Variants in OSBPL7 observed in about 807,000 individuals in gnomAD.
OSBPL7 encodes the protein oxysterol binding protein like 7.
OSBPL7 carries 66 observed loss-of-function variants against 115.8 expected under a neutral mutation model. The observed-to-expected ratio is 0.57, with a 90% CI of 0.47 to 0.70. The LOEUF is 0.70. Among genes scored for constraint, OSBPL7 ranks in the 30% least tolerant of loss-of-function variants. The probability of loss-of-function intolerance (pLI) is 0.00; values close to 1 mark genes in which losing one functional copy is unlikely to be tolerated. For synonymous variants in OSBPL7, 441 were observed against 439.2 expected (o/e 1.00, Z -0.05); for missense variants, 902 against 1,125.5 (o/e 0.80, Z 2.84).
intron 16 of OSBPL7, among the ~76,000 whole-genome samples, chr17:47,812,904 C>A (rs1454481490): frequency 6.6e-6 from 1 of 152,192 alleles, no homozygotes; most frequent in Non-Finnish European, 1.5e-5. Flanking sequence ...CAGCATCTGG[C>A]CCACCTTGTC....
chr17:47,819,634 G>T, intron 4 of OSBPL7, 95 bp downstream of exon 4: 1 of 1,463,152 alleles, frequency 6.8e-7, no homozygotes, highest in Non-Finnish European at 9.5e-7. Context: ...CTGGGATTCA[G>T]ACCCTGCTCT....
rs752524263 is a variant in OSBPL7, at chr17:47,820,234, A to G, written c.45T>C (p.Ala15=). The change falls in exon 2 of 23, where the codon GCT becomes GCC. Residue 15 remains alanine, a synonymous_variant. Transcript: ENST00000007414. Reference sequence around the variant, plus strand: ...GAGCACTGCTGGGCTTTGAGGACTGAGCGCTCTCAGGCAGGAAGGGCGGGT... The same window carrying G: ...GAGCACTGCTGGGCTTTGAGGACTGGGCGCTCTCAGGCAGGAAGGGCGGGT... ...ERDPPFLPES[A]QSSKPSSAQQ... The G allele has an allele frequency of 6.8e-6, 11 of 1,613,910 alleles. No individual in the cohort carries two copies. In the South Asian group the frequency reaches 8.8e-5, roughly 13 times the overall value.
chr17:47,816,389 C>T lies in OSBPL7; in HGVS notation c.1022G>A (p.Gly341Glu). The change falls in exon 11 of 23, where the codon GGG becomes GAG. Residue 341 changes from glycine to glutamate, a missense_variant and splice_region_variant. This residue lies in a region of OSBPL7 where 667 missense variants were observed against 788.7 expected (regional missense o/e 0.85). Coordinates refer to ENST00000007414, the MANE Select transcript of OSBPL7 (RefSeq NM_145798.3). The surrounding 1 kb of genome is among the most constrained non-coding windows in gnomAD (Gnocchi z 5.8). ...GTCACCCTGTCCCCCAGGCCTCACC[C>T]CCATTCTTGACAACTCTGAGCCCTG... ...MHQGSELSRM[G>E]VSEASTGQRR... The T allele has an allele frequency of 2.0e-6, 3 of 1,510,330 alleles. No individual in the cohort carries two copies. Among genetic ancestry groups the T allele is most frequent in the East Asian group, 2.4e-5 (1 of 40,886 alleles). The allele number at this position is 1,510,330 out of a possible 1,614,324, so 93.6% of individuals were successfully genotyped here.
At chr17:47,813,526 GA>G in intron 15 of OSBPL7, 60 bp downstream of exon 15, 1 of 1,586,520 alleles carries the variant, frequency 6.3e-7, no homozygotes. Context: ...TTTTCTGGGA[GA>G]AAAGATCCCA....
intron 15 of OSBPL7, 42 bp from the exon 16 acceptor site, chr17:47,813,445 C>T (rs576740034): frequency 2.4e-5 from 38 of 1,610,588 alleles, no homozygotes; most frequent in Middle Eastern, 1.7e-4. Flanking sequence ...AGGACGGGGC[C>T]GCCACCCCAA....
rs747347987 is a variant in OSBPL7 at position 47,813,834 on chromosome 17, C to T, written c.1352G>A (p.Gly451Glu). The T allele has an allele frequency of 8.1e-5, 130 of 1,605,028 alleles. No homozygotes were observed. The highest frequency in any genetic ancestry group is 1.2e-4 in the Admixed American group (7 of 59,466). The change falls in exon 15 of 23, where the codon GGG (glycine) becomes GAG (glutamate). Residue 451 changes from glycine to glutamate, a missense_variant and splice_region_variant. Gly to Glu is a moderately conservative substitution (Grantham distance 98). Coordinates refer to ENST00000007414, the MANE Select transcript of OSBPL7 (RefSeq NM_145798.3). ...DLRGAERCQK[G>E]GCVPGRPMGP... ...CATGGGTCTCCCTGGAACACACCCC[C>T]CTGGGGCCGCCCTGCCATGTCACTC...
rs759409881 is a variant in OSBPL7, at chr17:47,816,558, C to A, written c.928+5G>T. The A allele has an allele frequency of 6.2e-7, 1 of 1,609,018 alleles. No individual in the cohort carries two copies. Among genetic ancestry groups the A allele is most frequent in the Non-Finnish European group, 8.5e-7 (1 of 1,177,772 alleles). The stretch of plus-strand genomic sequence containing the variant: ...CCCCACCAGCCCCTCCCAGCAGGCA[C>A]TTACCCTTCTGGGCCAGGGCCCAGA... On this transcript the variant is annotated splice_donor_5th_base_variant and intron_variant, in intron 10 of 22. Transcript: ENST00000007414. The surrounding 1 kb of genome is among the most constrained non-coding windows in gnomAD (Gnocchi z 5.8).
Position 47,815,115 on chromosome 17 carries a change from T to C in OSBPL7, c.1257+100A>G, listed in dbSNP as rs568560675. On this transcript the variant is annotated intron_variant, in intron 13 of 22. Coordinates refer to ENST00000007414, the MANE Select transcript of OSBPL7 (RefSeq NM_145798.3). ...GTCCCAGAGATAGCAGCTGAGGTGG[T>C]GAGAAGGGGCTGAGGAATCTATGGT... is the stretch of plus-strand genomic sequence containing the variant. 360 of 1,450,882 alleles carry C rather than the reference T, an allele frequency of 2.5e-4. 1 individual carries two copies. Among genetic ancestry groups the C allele is most frequent in the Middle Eastern group, 4.8e-4 (2 of 4,178 alleles). 89.9% of individuals were successfully genotyped at this position (1,450,882 alleles called of 1,614,324 possible).
rs377186457 is a variant in OSBPL7, at chr17:47,808,971, A to G, written c.2190T>C (p.His730=). Residue 730 remains histidine, a synonymous_variant, in exon 21 of 23, where the codon CAT becomes CAC. Coordinates refer to ENST00000007414, the MANE Select transcript of OSBPL7 (RefSeq NM_145798.3). The surrounding 1 kb of genome is among the most constrained non-coding windows in gnomAD (Gnocchi z 6.1). ...ACTGGGTGAAGCCGAAGTTTCGCTC[A>G]TGGTCGGGGGGCATTGAGTCTGGGG... ...IWKPNSMPPD[H]ERNFGFTQFA... 12 of 1,613,874 alleles carry G rather than the reference A, an allele frequency of 7.4e-6. No individual in the cohort carries two copies. Among genetic ancestry groups the G allele is most frequent in the African/African-American group, 1.3e-5 (1 of 74,862 alleles).
chr17:47,811,472 A>C (rs1297926337), intron 16 of OSBPL7, among the ~76,000 whole-genome samples: 2 of 151,762 alleles, frequency 1.3e-5, no homozygotes, highest in Non-Finnish European at 2.9e-5. Flanking sequence ...CACCTCCCCC[A>C]CTTGCCAGAA....
intron 18 of OSBPL7, 59 bp downstream of exon 18, chr17:47,810,535 C>A: frequency 6.7e-7 from 1 of 1,503,512 alleles, no homozygotes; most frequent in Non-Finnish European, 9.2e-7. Context: ...GCCACGCCCC[C>A]TCCAGCCTGA....
chr17:47,814,723 G>A (rs534999681), intron 13 of OSBPL7, 109 bp from the exon 14 acceptor site: 3 of 938,952 alleles, frequency 3.2e-6, no homozygotes, highest in Non-Finnish European at 4.9e-6. Flanking sequence ...GTGGGAAGGG[G>A]AAGAGAATGT....
chr17:47,813,349 C>T lies in OSBPL7; in HGVS notation c.1654G>A (p.Gly552Ser), dbSNP rs139676584. The T allele has an allele frequency of 8.6e-5, 139 of 1,614,070 alleles. No individual in the cohort carries two copies. The highest frequency in any genetic ancestry group is 1.7e-4 in the Middle Eastern group (1 of 6,060). Residue 552 changes from glycine (G) to serine (S), a missense_variant, in exon 16 of 23, where the codon GGC becomes AGC. Gly to Ser is a moderately conservative substitution (Grantham distance 56). Transcript: ENST00000007414. ...AGGACAGGGTTGAAGGGCTTGCAGCCGGCTCGGTGGTATGTGGAGGAGTAG... is the reference window on the plus strand; with the variant it reads ...AGGACAGGGTTGAAGGGCTTGCAGCTGGCTCGGTGGTATGTGGAGGAGTAG... Reference protein sequence around the residue: ...SAYSSTYHRAGCKPFNPVLGE... With the variant: ...SAYSSTYHRASCKPFNPVLGE...
chr17:47,815,587 T>C lies in OSBPL7; in HGVS notation c.1120-235A>G, dbSNP rs1488879822. ...AGGCTCCATTATAACTGTTTACACT[T>C]CCTGGCACTGACCCTGAGCCCCACT... On this transcript the variant is annotated intron_variant, in intron 12 of 22. Transcript: ENST00000007414. 4 of 554,348 alleles carry C rather than the reference T, an allele frequency of 7.2e-6. No homozygotes were observed. The East Asian group carries it at 1.2e-4, about 17-fold the overall frequency. 34.3% of individuals were successfully genotyped at this position (554,348 alleles called of 1,614,324 possible). A position where few individuals can be genotyped will look rare whatever the true frequency, so the allele number is the denominator to read the frequency against.
rs542658083 is a variant in OSBPL7, at chr17:47,818,922, T to C, written c.369+64A>G. On this transcript the variant is annotated intron_variant, in intron 5 of 22. Coordinates refer to ENST00000007414, the MANE Select transcript of OSBPL7 (RefSeq NM_145798.3). ...TCCACAGACCCTCAGCCCCTGCCCCTGTGTGTTCCAATGCCTCTGTCAGGT... is the reference window on the plus strand; with the variant it reads ...TCCACAGACCCTCAGCCCCTGCCCCCGTGTGTTCCAATGCCTCTGTCAGGT... The C allele has an allele frequency of 4.7e-5, 65 of 1,378,530 alleles. No homozygotes were observed. In the South Asian group the frequency reaches 7.1e-4, roughly 15 times the overall value. The allele number at this position is 1,378,530 out of a possible 1,614,324, so 85.4% of individuals were successfully genotyped here.
chr17:47,815,011 A>G (rs2033167428), intron 13 of OSBPL7: 1 of 675,000 alleles, frequency 1.5e-6, no homozygotes, highest in Admixed American at 3.0e-5. Context: ...GGGGATACAA[A>G]TGTCACACTC....
chr17:47,814,377 T>A (rs748856389), intron 14 of OSBPL7, 144 bp downstream of exon 14: 194 of 733,404 alleles, frequency 2.6e-4, no homozygotes, highest in Non-Finnish European at 3.7e-4. Context: ...TGACCTGGCC[T>A]TCCTTAGCTC....
chr17:47,818,394 G>T lies in OSBPL7; in HGVS notation c.481-8C>A, dbSNP rs2033291986. The T allele has an allele frequency of 6.2e-7, 1 of 1,612,098 alleles. No homozygotes were observed. Among genetic ancestry groups the T allele is most frequent in the Non-Finnish European group, 8.5e-7 (1 of 1,178,814 alleles). ...AAGCTGGGCACCAGGAACCTGTGGG[G>T]TGAGCCCAGGGTCAGGAAGGATGAT... On this transcript the variant is annotated splice_polypyrimidine_tract_variant and splice_region_variant and intron_variant, in intron 6 of 22. Coordinates refer to ENST00000007414, the MANE Select transcript of OSBPL7 (RefSeq NM_145798.3).
At chr17:47,815,175 C>T (rs985867578) in intron 13 of OSBPL7, 40 bp downstream of exon 13, 2 of 1,594,924 alleles carry the variant, frequency 1.3e-6, no homozygotes, top group Non-Finnish European at 1.7e-6. Context: ...CCCAAGGTCC[C>T]CCCTACCCCG....
Sources: allele counts gnomAD v4.1 joint callset (sites outside exome capture counted in the v4.1 genomes callset), GRCh38; gene constraint gnomAD v4.1.1; regional missense constraint gnomAD v4.1.1; non-coding constraint Gnocchi (gnomAD v3.1); transcripts MANE v1.5; gene names NCBI Gene and HGNC (gene_info 2026-07-23, HGNC 2026-07-21).